UBN2: variants seen among roughly 807,000 people sequenced by gnomAD.
UBN2 encodes the protein ubinuclein 2, also known as ubinuclein-2.
In UBN2, 35 loss-of-function variants were observed where a neutral mutation model predicts 120.2. The observed-to-expected ratio is 0.29, with a 90% CI of 0.22 to 0.39. The LOEUF is 0.39. UBN2 is among the 10% of genes least tolerant of loss of function. UBN2 has a pLI of 1.00. For synonymous variants in UBN2, 661 were observed against 648.7 expected, an observed-to-expected ratio of 1.02 and a Z score of -0.29; for missense variants, 1,693 against 1,663.2, an observed-to-expected ratio of 1.02 and a Z score of -0.31.
rs745742945 is a variant in UBN2 at position 139,284,567 on chromosome 7, G to T, written c.3662G>T (p.Ser1221Ile). Residue 1221 changes from serine to isoleucine, a missense_variant, in exon 15 of 18, where the codon AGT becomes ATT. By Grantham distance (142) the Ser-to-Ile change is moderately radical. This residue lies in a region of UBN2 where 837 missense variants were observed against 817.6 expected (regional missense o/e 1.02). Transcript: ENST00000473989. Reference sequence around the variant, plus strand: ...TCAGGGTCTTCAGTGGTAACAGCCAGTGTGCAGGTATGTATGTTCTGTACG... The same window carrying T: ...TCAGGGTCTTCAGTGGTAACAGCCATTGTGCAGGTATGTATGTTCTGTACG... Reference protein sequence around the residue: ...TASGSSVVTASVQSTAGASLL... With the variant: ...TASGSSVVTAIVQSTAGASLL... 2 of 1,609,482 alleles carry T rather than the reference G, an allele frequency of 1.2e-6. No homozygotes were observed. Among genetic ancestry groups the T allele is most frequent in the Admixed American group, 3.3e-5 (2 of 59,944 alleles).
At chr7:139,295,972 A>G (rs750203714) in intron 17 of UBN2, among the ~76,000 whole-genome samples, 19 of 152,208 alleles carry the variant, frequency 1.2e-4, no homozygotes, top group Non-Finnish European at 2.8e-4. Context: ...TTTAAAGTGT[A>G]AGTCACTGAA....
At chr7:139,278,947 G>T (rs1797523110) in intron 12 of UBN2, among the ~76,000 whole-genome samples, 1 of 151,592 alleles carries the variant, frequency 6.6e-6, no homozygotes, top group Non-Finnish European at 1.5e-5. Flanking sequence ...TTCTTTAAAA[G>T]CTCAGGGTTT....
chr7:139,290,200 C>A (rs1264942463), intron 15 of UBN2, among the ~76,000 whole-genome samples: 1 of 152,190 alleles, frequency 6.6e-6, no homozygotes, highest in Non-Finnish European at 1.5e-5. Context: ...TCCCAAAGTG[C>A]TGGGATTACA....
intron 2 of UBN2, among the ~76,000 whole-genome samples, chr7:139,243,325 T>G (rs1411284499): frequency 6.6e-6 from 1 of 152,070 alleles, no homozygotes; most frequent in Admixed American, 6.6e-5. Context: ...GGAAAATAAG[T>G]TTTGATTTTT....
chr7:139,317,330 C>A, the UBN2 span, among the ~76,000 whole-genome samples: 1 of 152,034 alleles, frequency 6.6e-6, no homozygotes. Flanking sequence ...TACCACCACG[C>A]CCAGCTAGTT....
rs1796010658 is a variant in UBN2, at chr7:139,231,581, C to T, written c.97C>T (p.Arg33Cys). ...GCCCGAGCGTGAGCCCGAGTACCCC[C>T]GCGAGCCCCCCCGGCTGGAGCCGCA... ...PGPEREPEYP[R>C]EPPRLEPQPY... Residue 33 changes from arginine to cysteine, a missense_variant, in exon 1 of 18, where the codon CGC (arginine) becomes TGC (cysteine). By Grantham distance (180) the Arg-to-Cys change is radical (BLOSUM62 -3). Coordinates refer to ENST00000473989, the MANE Select transcript of UBN2 (RefSeq NM_173569.4). 1.4e-6 allele frequency: 2 copies of T among 1,397,534 alleles called. No individual in the cohort carries two copies. The highest frequency in any genetic ancestry group is 3.1e-5 in the East Asian group (1 of 32,750). 86.6% of individuals were successfully genotyped at this position (1,397,534 alleles called of 1,614,324 possible). A position where few individuals can be genotyped will look rare whatever the true frequency, so the allele number is the denominator to read the frequency against.
Position 139,283,847 on chromosome 7 carries a change from G to A in UBN2, c.2942G>A (p.Arg981His), listed in dbSNP as rs191156507. The A allele has an allele frequency of 4.8e-5, 78 of 1,613,954 alleles. No individual in the cohort carries two copies. In the Admixed American group the frequency reaches 1.0e-3, roughly 21 times the overall value. Residue 981 changes from arginine to histidine, a missense_variant, in exon 15 of 18, where the codon CGC (arginine) becomes CAC (histidine). By Grantham distance (29) the Arg-to-His change is conservative. This residue lies in a region of UBN2 where 837 missense variants were observed against 817.6 expected (regional missense o/e 1.02). Coordinates refer to ENST00000473989, the MANE Select transcript of UBN2 (RefSeq NM_173569.4). ...ACTTCAGATAAGCCACTTATGTACCGCCTTCCCTTATCTACCCCCTCACCT... is the reference window on the plus strand; with the variant it reads ...ACTTCAGATAAGCCACTTATGTACCACCTTCCCTTATCTACCCCCTCACCT... ...IKTSDKPLMYRLPLSTPSPGN... is the reference protein window; with the variant it reads ...IKTSDKPLMYHLPLSTPSPGN...
intron 9 of UBN2, 112 bp downstream of exon 9, chr7:139,272,552 A>T (rs1365716085): frequency 1.3e-6 from 1 of 762,758 alleles, no homozygotes; most frequent in Admixed American, 2.8e-5. Context: ...TTTGAGACGG[A>T]ATCTCAGTCT....
intron 9 of UBN2, 63 bp from the exon 10 acceptor site, chr7:139,273,234 G>A: frequency 9.6e-7 from 1 of 1,046,262 alleles, no homozygotes; most frequent in Non-Finnish European, 1.4e-6. Flanking sequence ...AGTATTTATG[G>A]AGCATATTAT....
At position 139,306,522 on chromosome 7, in the gene UBN2, G is replaced by A. The variant is rs926523048; in HGVS notation, c.*8686G>A. Reference sequence around the variant, plus strand: ...AGTCTTGGCTATGCCTTTGTAATTAGTTACATATACCTTCTGAGACCTTCA... The same window carrying A: ...AGTCTTGGCTATGCCTTTGTAATTAATTACATATACCTTCTGAGACCTTCA... On this transcript the variant is annotated 3_prime_UTR_variant, in exon 18 of 18. Coordinates refer to ENST00000473989, the MANE Select transcript of UBN2 (RefSeq NM_173569.4). The A allele has an allele frequency of 2.0e-5, 3 of 152,168 alleles. No homozygotes were observed. Among genetic ancestry groups the A allele is most frequent in the Non-Finnish European group, 4.4e-5 (3 of 68,038 alleles). 9.4% of individuals were successfully genotyped at this position (152,168 alleles called of 1,614,324 possible).
intron 6 of UBN2, among the ~76,000 whole-genome samples, chr7:139,262,775 G>T (rs1433968205): frequency 6.6e-6 from 1 of 151,656 alleles, no homozygotes; most frequent in Non-Finnish European, 1.5e-5. Flanking sequence ...CATCAATAGA[G>T]TTGGTTCTTT....
At chr7:139,322,384 C>T in the UBN2 span, among the ~76,000 whole-genome samples, 6 of 152,332 alleles carry the variant, frequency 3.9e-5, no homozygotes, top group South Asian at 4.1e-4. Context: ...TAGGAAAGAA[C>T]GTATCATTAC....
rs1262775555 is a variant in UBN2 at position 139,244,855 on chromosome 7, T to C, written c.562-7101T>C. Among the ~76,000 whole-genome samples the C allele has an allele frequency of 2.6e-5, 4 of 152,264 alleles. No individual in the cohort carries two copies. The East Asian group carries it at 5.8e-4, about 22-fold the overall frequency. The stretch of plus-strand genomic sequence containing the variant: ...AACATTGATAGCACCTTTTCGTGAA[T>C]AGCCTGAGCTGTACATAACATTTAG... On this transcript the variant is annotated intron_variant, in intron 2 of 17. Transcript: ENST00000473989.
chr7:139,305,205 C>T lies in UBN2; in HGVS notation c.*7369C>T, dbSNP rs2131094168. 1 of 152,142 alleles carries T rather than the reference C, an allele frequency of 6.6e-6. No homozygotes were observed. The highest frequency in any genetic ancestry group is 1.9e-4 in the East Asian group (1 of 5,190). The allele number at this position is 152,142 out of a possible 1,614,324, so 9.4% of individuals were successfully genotyped here. The stretch of plus-strand genomic sequence containing the variant: ...TAGCTTTGAATATTAATGTTGAATT[C>T]TTCTTTCTTGGTTTCCTTTAGTCTT... On this transcript the variant is annotated 3_prime_UTR_variant, in exon 18 of 18. Coordinates refer to ENST00000473989, the MANE Select transcript of UBN2 (RefSeq NM_173569.4).
intron 2 of UBN2, among the ~76,000 whole-genome samples, chr7:139,248,830 CCT>C (rs1208649811): frequency 2.0e-5 from 3 of 152,048 alleles, no homozygotes; most frequent in Non-Finnish European, 2.9e-5. Context: ...CTCCTACCAA[CCT>C]CTCTCTTTCC....
chr7:139,248,867 A>G (rs908985430), intron 2 of UBN2, among the ~76,000 whole-genome samples: 1 of 152,172 alleles, frequency 6.6e-6, no homozygotes, highest in African/African-American at 2.4e-5. Flanking sequence ...GATTCTCACC[A>G]TAATTCTATA....
chr7:139,308,825 A>C (rs972349214), downstream of UBN2, among the ~76,000 whole-genome samples: 2 of 152,168 alleles, frequency 1.3e-5, no homozygotes, highest in Non-Finnish European at 2.9e-5. Context: ...TAATCCCAGC[A>C]CTTTGGGAGG....
At chr7:139,233,485 T>C (rs1796082286) in intron 1 of UBN2, among the ~76,000 whole-genome samples, 1 of 152,190 alleles carries the variant, frequency 6.6e-6, no homozygotes, top group South Asian at 2.1e-4. Flanking sequence ...TCTTACTGTG[T>C]GCTAGACACA....
Position 139,237,246 on chromosome 7 carries a change from A to G in UBN2, c.561+149A>G, listed in dbSNP as rs1796188903. 4 of 458,826 alleles carry G rather than the reference A, an allele frequency of 8.7e-6. 1 individual carries two copies. Among genetic ancestry groups the G allele is most frequent in the African/African-American group, 6.0e-5 (3 of 49,888 alleles). 28.4% of individuals were successfully genotyped at this position (458,826 alleles called of 1,614,324 possible). On this transcript the variant is annotated intron_variant, in intron 2 of 17. Coordinates refer to ENST00000473989, the MANE Select transcript of UBN2 (RefSeq NM_173569.4). ...CAAATGAATGGTTAGACAGTCAAATAAAGATTCCAACAGGCTTGTGATAGT... is the reference window on the plus strand; with the variant it reads ...CAAATGAATGGTTAGACAGTCAAATGAAGATTCCAACAGGCTTGTGATAGT...
Sources: allele counts gnomAD v4.1 joint callset (sites outside exome capture counted in the v4.1 genomes callset), GRCh38; gene constraint gnomAD v4.1.1; regional missense constraint gnomAD v4.1.1; transcripts MANE v1.5; gene names NCBI Gene and HGNC (gene_info 2026-07-23, HGNC 2026-07-21).